The following CADM2 variants were observed in gnomAD, a reference collection of about 807,000 sequenced individuals.
CADM2 encodes the protein immunoglobulin superfamily member 4D.
CADM2 carries 12 observed loss-of-function variants against 49.8 expected under a neutral mutation model. The ratio of observed to expected loss-of-function variants is 0.24; its 90% CI spans 0.15 to 0.39. The LOEUF is 0.39. Ranked by LOEUF, CADM2 falls within the 10% of genes least tolerant of loss-of-function variation. The pLI, the probability that CADM2 is intolerant of heterozygous loss-of-function variation, is 1.00. For synonymous variants in CADM2, 214 were observed against 175.4 expected (o/e 1.22, Z -1.74); for missense variants, 378 against 492.3 (o/e 0.77, Z 2.20).
At chr3:85,053,351 G>A (rs2035955752) in intron 1 of CADM2, among the ~76,000 whole-genome samples, 1 of 152,016 alleles carries the variant, frequency 6.6e-6, no homozygotes, top group East Asian at 1.9e-4. Context: ...TGCAGTTGGG[G>A]ACTGTATTTT....
Position 85,661,676 on chromosome 3 carries a change from AC to A in CADM2, c.62-64845del, listed in dbSNP as rs1480882848. On this transcript the variant is annotated intron_variant, in intron 1 of 9. Coordinates refer to ENST00000383699, the MANE Select transcript of CADM2 (RefSeq NM_001167675.2). ...ATATAAAGGGGAGAATTCTATATAA[AC>A]TACTTCATACTCAAAGTGAAAGACC... Among the ~76,000 whole-genome samples, 6 of 152,142 alleles carry A rather than the reference AC, an allele frequency of 3.9e-5. No homozygotes were observed. In the East Asian group the frequency reaches 1.2e-3, roughly 29 times the overall value.
chr3:85,851,707 A>G (rs1487012796), intron 3 of CADM2, among the ~76,000 whole-genome samples: 2 of 150,930 alleles, frequency 1.3e-5, no homozygotes, highest in African/African-American at 2.4e-5. Context: ...AGAAAACTAC[A>G]TAACAGCTAA....
chr3:85,872,767 A>G (rs935395932), intron 3 of CADM2, among the ~76,000 whole-genome samples: 13 of 151,018 alleles, frequency 8.6e-5, no homozygotes, highest in African/African-American at 2.7e-4. Context: ...ATATATCACA[A>G]GATAAATATG....
chr3:85,743,389 A>C (rs2068474607), intron 2 of CADM2, among the ~76,000 whole-genome samples: 2 of 152,194 alleles, frequency 1.3e-5, no homozygotes, highest in Admixed American at 1.3e-4. Context: ...AACATAAGGC[A>C]GATGATCTAT....
chr3:85,798,672 C>G (rs774864602), intron 2 of CADM2, among the ~76,000 whole-genome samples: 2 of 152,140 alleles, frequency 1.3e-5, no homozygotes, highest in Admixed American at 6.5e-5. Context: ...GTTACTGCAG[C>G]CTTGTGATAT....
chr3:85,317,561 C>T (rs1576339514), intron 1 of CADM2, among the ~76,000 whole-genome samples: 1 of 152,208 alleles, frequency 6.6e-6, no homozygotes, highest in East Asian at 1.9e-4. Flanking sequence ...TTCCAAGTCT[C>T]TGCTTCCAAG....
chr3:85,807,930 C>A (rs1477289324), intron 3 of CADM2, among the ~76,000 whole-genome samples: 1 of 152,076 alleles, frequency 6.6e-6, no homozygotes, highest in Non-Finnish European at 1.5e-5. Flanking sequence ...TTCAGGGGGA[C>A]ATTGTGGCAC....
At chr3:85,633,677 A>G (rs1015228907) in intron 1 of CADM2, among the ~76,000 whole-genome samples, 1 of 152,094 alleles carries the variant, frequency 6.6e-6, no homozygotes, top group African/African-American at 2.4e-5. Context: ...CGCAACTTCC[A>G]TGGAACCAAT....
At chr3:85,948,478 A>C (rs919577759) in intron 7 of CADM2, among the ~76,000 whole-genome samples, 1 of 151,462 alleles carries the variant, frequency 6.6e-6, no homozygotes, top group Non-Finnish European at 1.5e-5. Context: ...AAAGGAAATA[A>C]AATGTGAAAA....
intron 7 of CADM2, among the ~76,000 whole-genome samples, chr3:85,955,611 G>T (rs932394840): frequency 6.6e-6 from 1 of 151,454 alleles, no homozygotes; most frequent in Non-Finnish European, 1.5e-5. Flanking sequence ...TAACTGCACA[G>T]AATAAATGCC....
intron 1 of CADM2, among the ~76,000 whole-genome samples, chr3:85,446,991 CATATATATAT>C (rs141177883): frequency 0.024 from 1,331 of 54,568 alleles, 37 homozygotes; most frequent in African/African-American, 0.064. Flanking sequence ...ATATGTATTG[CATATATATAT>C]ATATATATAT....
Position 85,549,469 on chromosome 3 carries a change from C to T in CADM2, c.62-177053C>T, listed in dbSNP as rs542723576. ...AGAACTATAGATATCTATACATCATCGCCTAACAGAGTTTGCCATAGACTT... is the reference window on the plus strand; with the variant it reads ...AGAACTATAGATATCTATACATCATTGCCTAACAGAGTTTGCCATAGACTT... On this transcript the variant is annotated intron_variant, in intron 1 of 9. Coordinates refer to ENST00000383699, the MANE Select transcript of CADM2 (RefSeq NM_001167675.2). 7.2e-5 allele frequency among the ~76,000 whole-genome samples: 11 copies of T among 152,200 alleles called. No homozygotes were observed. In the South Asian group the frequency reaches 1.2e-3, roughly 17 times the overall value.
At chr3:85,544,849 A>G (rs2061630460) in intron 1 of CADM2, among the ~76,000 whole-genome samples, 1 of 151,904 alleles carries the variant, frequency 6.6e-6, no homozygotes, top group Admixed American at 6.6e-5. Context: ...AAGGAGAAAA[A>G]GGGAGGATAG....
At chr3:85,515,427 T>TTC (rs1047896415) in intron 1 of CADM2, among the ~76,000 whole-genome samples, 14 of 147,688 alleles carry the variant, frequency 9.5e-5, no homozygotes, top group Non-Finnish European at 3.0e-5. Context: ...GTTTGTTTCT[T>TTC]TTTTTTTTTA....
intron 1 of CADM2, among the ~76,000 whole-genome samples, chr3:85,381,222 GT>G: frequency 6.6e-6 from 1 of 151,930 alleles, no homozygotes; most frequent in Non-Finnish European, 1.5e-5. Context: ...CATTCTGCAG[GT>G]TTTGGAATAA....
In CADM2 at chr3:85,177,611, T is replaced by C. The variant is rs557276755; in HGVS notation, c.61+217943T>C. Among the ~76,000 whole-genome samples the C allele has an allele frequency of 1.1e-4, 17 of 151,100 alleles. No individual in the cohort carries two copies. In the East Asian group the frequency reaches 2.9e-3, roughly 26 times the overall value. On this transcript the variant is annotated intron_variant, in intron 1 of 9. Coordinates refer to ENST00000383699, the MANE Select transcript of CADM2 (RefSeq NM_001167675.2). ...AAGGTGACTGCAGAAAACCCAAAAA[T>C]GTAGTTAATTGTATAAATGTAAATA...
Position 86,013,727 on chromosome 3 carries a change from T to C in CADM2, c.971-51878T>C. The C allele has an allele frequency of 1.9e-6, 3 of 1,595,694 alleles. No individual in the cohort carries two copies. The South Asian group carries it at 3.3e-5, about 18-fold the overall frequency. Reference sequence around the variant, plus strand: ...GCCTAAGAGAGGAATTTATAGGTTTTCTGCCTTATGAAGCTGATGCAGAAA... The same window carrying C: ...GCCTAAGAGAGGAATTTATAGGTTTCCTGCCTTATGAAGCTGATGCAGAAA... On this transcript the variant is annotated intron_variant, in intron 8 of 9. Transcript: ENST00000383699.
chr3:85,369,957 G>A (rs1257908450), intron 1 of CADM2, among the ~76,000 whole-genome samples: 1 of 151,716 alleles, frequency 6.6e-6, no homozygotes, highest in Non-Finnish European at 1.5e-5. Flanking sequence ...TGAATGGAAA[G>A]AGATGTTTTT....
At chr3:86,005,293 T>C (rs1195927055) in intron 8 of CADM2, among the ~76,000 whole-genome samples, 1 of 152,206 alleles carries the variant, frequency 6.6e-6, no homozygotes, top group Admixed American at 6.5e-5. Context: ...GGCTCATGCC[T>C]GTAATCCCAA....
Sources: gnomAD v4.1 joint callset for allele counts (sites outside exome capture counted in the v4.1 genomes callset) on GRCh38, gnomAD v4.1.1 for gene constraint, MANE v1.5 for transcripts, NCBI Gene and HGNC (gene_info 2026-07-23, HGNC 2026-07-21) for gene names.